JMJD8: variants seen among roughly 807,000 people sequenced by gnomAD.
The protein encoded by JMJD8 is jumonji domain containing 8, also known as jmjC domain-containing protein 8.
JMJD8 carries 56 observed loss-of-function variants against 37.6 expected under a neutral mutation model. The ratio of observed to expected loss-of-function variants is 1.49; its 90% CI spans 1.20 to 1.86. The LOEUF (loss-of-function observed/expected upper bound fraction) is 1.86, where lower values mean the gene tolerates loss of function less well. Ranked by LOEUF, JMJD8 falls within the 40% of genes most tolerant of loss-of-function variation. The pLI is 0.00. For synonymous variants in JMJD8, 261 were observed against 163.7 expected (o/e 1.59, Z -4.54); for missense variants, 542 against 362.7 (o/e 1.49, Z -4.01).
chr16:682,031 G>A lies in JMJD8; in HGVS notation c.*763C>T. The A allele has an allele frequency of 6.3e-7, 1 of 1,595,678 alleles. No homozygotes were observed. Among genetic ancestry groups the A allele is most frequent in the Non-Finnish European group, 8.6e-7 (1 of 1,166,326 alleles). ...TCAACTCTTCACAGGACAAGTACATGGCGGACATGGACGAGCTTTTTTCTC... is the reference window on the plus strand; with the variant it reads ...TCAACTCTTCACAGGACAAGTACATAGCGGACATGGACGAGCTTTTTTCTC... On this transcript the variant is annotated 3_prime_UTR_variant, in exon 9 of 9. Coordinates refer to ENST00000609261, the MANE Select transcript of JMJD8 (RefSeq NM_001005920.4).
chr16:684,000 C>T, intron 2 of JMJD8, 66 bp downstream of exon 2: 5 of 1,559,014 alleles, frequency 3.2e-6, no homozygotes, highest in Non-Finnish European at 3.4e-6. Context: ...GGAAGGCGGC[C>T]TTGGGCGGTC....
Position 683,071 on chromosome 16 carries a change from G to A in JMJD8, c.596C>T (p.Pro199Leu). The stretch of plus-strand genomic sequence containing the variant: ...GTGGAACTCTGGCGTCTTCTCAGGT[G>A]GGTAAAGGAACCAGCGCTGGGGGCA... ...IYGRKRWFLYPPEKTPEFHPN... is the reference protein window; with the variant it reads ...IYGRKRWFLYLPEKTPEFHPN... The change falls in exon 8 of 9, where the codon CCA becomes CTA. Residue 199 changes from proline to leucine, a missense_variant. By Grantham distance (98) the Pro-to-Leu change is moderately conservative. Coordinates refer to ENST00000609261, the MANE Select transcript of JMJD8 (RefSeq NM_001005920.4). 1.9e-6 allele frequency: 3 copies of A among 1,613,592 alleles called. No homozygotes were observed. Among genetic ancestry groups the A allele is most frequent in the Non-Finnish European group, 1.7e-6 (2 of 1,179,868 alleles).
In JMJD8 at chr16:683,902, A is replaced by C. The variant is rs1448989028; in HGVS notation, c.184T>G (p.Phe62Val). 6.3e-7 allele frequency: 1 copy of C among 1,580,240 alleles called. No homozygotes were observed. The highest frequency in any genetic ancestry group is 8.6e-7 in the Non-Finnish European group (1 of 1,166,052). The change falls in exon 3 of 9, where the codon TTC (phenylalanine) becomes GTC (valine). Residue 62 changes from phenylalanine to valine, a missense_variant. By Grantham distance (50) the Phe-to-Val change is conservative. Coordinates refer to ENST00000609261, the MANE Select transcript of JMJD8 (RefSeq NM_001005920.4). ...TYAEFVQQYA[F>V]VRPVILQGLT... ...CCCTGCAGGATGACGGGCCTGACGA[A>C]GGCGTACCTGGAAAGAAGGGCAGAG...
In JMJD8 at chr16:683,847, G is replaced by C. The variant is rs952533018; in HGVS notation, c.225+14C>G. On this transcript the variant is annotated intron_variant, in intron 3 of 8. Coordinates refer to ENST00000609261, the MANE Select transcript of JMJD8 (RefSeq NM_001005920.4). ...CGGGCGAGAGTGGCCGGGGACGGAC[G>C]GGCACGCGCTCACCGAGTTGTCCGT... 1 of 1,584,120 alleles carries C rather than the reference G, an allele frequency of 6.3e-7. No homozygotes were observed. The highest frequency in any genetic ancestry group is 1.1e-5 in the South Asian group (1 of 87,128).
At position 683,410 on chromosome 16, in the gene JMJD8, G is replaced by A. The variant is rs774250418; in HGVS notation, c.423C>T (p.Phe141=). Reference sequence around the variant, plus strand: ...GCCGAAAGAGAGAGGCCCACTCGGTGAAGTTGTTGTCCCCGAAGAAGTACA... The same window carrying A: ...GCCGAAAGAGAGAGGCCCACTCGGTAAAGTTGTTGTCCCCGAAGAAGTACA... The part of the protein sequence containing the change: ...DTLYFFGDNN[F]TEWASLFRHY... Residue 141 remains phenylalanine, a synonymous_variant, in exon 6 of 9, where the codon TTC becomes TTT. Coordinates refer to ENST00000609261, the MANE Select transcript of JMJD8 (RefSeq NM_001005920.4). 7.7e-6 allele frequency: 12 copies of A among 1,553,048 alleles called. No homozygotes were observed. Among genetic ancestry groups the A allele is most frequent in the Non-Finnish European group, 1.0e-5 (12 of 1,147,954 alleles).
chr16:682,378 T>C lies in JMJD8; in HGVS notation c.*416A>G. ...TGTCACTGCAGCGTGTGGGTCATTT[T>C]GACCCCGTGACCCGGAGCCCCCTGA... On this transcript the variant is annotated 3_prime_UTR_variant, in exon 9 of 9. Coordinates refer to ENST00000609261, the MANE Select transcript of JMJD8 (RefSeq NM_001005920.4). The C allele has an allele frequency of 6.2e-7, 1 of 1,613,258 alleles. No homozygotes were observed. The highest frequency in any genetic ancestry group is 8.5e-7 in the Non-Finnish European group (1 of 1,179,986).
chr16:682,301 G>A lies in JMJD8; in HGVS notation c.*493C>T. 1 of 1,612,566 alleles carries A rather than the reference G, an allele frequency of 6.2e-7. No individual in the cohort carries two copies. On this transcript the variant is annotated 3_prime_UTR_variant, in exon 9 of 9. Transcript: ENST00000609261. ...CTGCAGGTGAGGCCTGCGGCTGGGG[G>A]AGCAGGGCCAGTGGCATGGTCCTGG...
chr16:682,810 G>A lies in JMJD8; in HGVS notation c.779C>T (p.Ser260Phe). ...TLNLDTSVFISTFLG is the reference protein window; with the variant it reads ...TLNLDTSVFIFTFLG ...CTGTTTTGGCTAGCCGAGGAAGGTG[G>A]AGATGAAGACGCTGGTGTCAAGGTT... Residue 260 changes from serine to phenylalanine, a missense_variant, in exon 9 of 9, where the codon TCC (serine) becomes TTC (phenylalanine). Ser to Phe is a radical substitution (Grantham distance 155). Transcript: ENST00000609261. 2 of 1,613,026 alleles carry A rather than the reference G, an allele frequency of 1.2e-6. No homozygotes were observed. The highest frequency in any genetic ancestry group is 2.2e-5 in the South Asian group (2 of 91,056).
At position 682,519 on chromosome 16, in the gene JMJD8, C is replaced by T; in HGVS notation, c.*275G>A. On this transcript the variant is annotated 3_prime_UTR_variant, in exon 9 of 9. Transcript: ENST00000609261. ...CCCTGCCCTACCTGGCGTCCTGGTC[C>T]AGGGGAGCCCTGGGCAGAAGCCCCC... 1 of 1,612,178 alleles carries T rather than the reference C, an allele frequency of 6.2e-7. No homozygotes were observed. Among genetic ancestry groups the T allele is most frequent in the Non-Finnish European group, 8.5e-7 (1 of 1,179,540 alleles).
In JMJD8 at chr16:681,925, T is replaced by C. The variant is rs2039675339; in HGVS notation, c.*869A>G. On this transcript the variant is annotated 3_prime_UTR_variant, in exon 9 of 9. Coordinates refer to ENST00000609261, the MANE Select transcript of JMJD8 (RefSeq NM_001005920.4). ...ACATGTGGGTCTGTGTGTGTGCACG[T>C]GGCGTGGGAGCATCCCCGCCTTGTG... 2 of 1,612,134 alleles carry C rather than the reference T, an allele frequency of 1.2e-6. No homozygotes were observed. The highest frequency in any genetic ancestry group is 8.5e-7 in the Non-Finnish European group (1 of 1,179,026).
intron 6 of JMJD8, 37 bp downstream of exon 6, chr16:683,285 G>T: frequency 6.2e-7 from 1 of 1,611,854 alleles, no homozygotes; most frequent in East Asian, 2.2e-5. Context: ...CTCACCGACA[G>T]AAGCCTCAGT....
chr16:683,324 G>A lies in JMJD8; in HGVS notation c.509C>T (p.Ala170Val), dbSNP rs1356930296. ...TCCCAGTCCCAAGAAGCACCCACCTGCGATTCCAAAGCTGTAAGCTGGAGC... is the reference window on the plus strand; with the variant it reads ...TCCCAGTCCCAAGAAGCACCCACCTACGATTCCAAAGCTGTAAGCTGGAGC... ...GTAPAYSFGI[A>V]GAGSGVPFHW... The change falls in exon 6 of 9, where the codon GCA (alanine) becomes GTA (valine). Residue 170 changes from alanine to valine, a missense_variant and splice_region_variant. Coordinates refer to ENST00000609261, the MANE Select transcript of JMJD8 (RefSeq NM_001005920.4). 1.3e-6 allele frequency: 2 copies of A among 1,593,878 alleles called. No homozygotes were observed. The highest frequency in any genetic ancestry group is 3.6e-5 in the Admixed American group (2 of 56,056).
Position 683,001 on chromosome 16 carries a change from G to A in JMJD8, c.666C>T (p.Ala222=). ...TLAWLRDTYP[A]LPPSARPLEC... ...CCAGGGGCCGTGCAGACGGTGGCAGGGCTGGGTATGTGTCCCGGAGCCAGG... is the reference window on the plus strand; with the variant it reads ...CCAGGGGCCGTGCAGACGGTGGCAGAGCTGGGTATGTGTCCCGGAGCCAGG... The change falls in exon 8 of 9, where the codon GCC becomes GCT. Residue 222 remains alanine (A), a synonymous_variant. Coordinates refer to ENST00000609261, the MANE Select transcript of JMJD8 (RefSeq NM_001005920.4). 3 of 1,613,420 alleles carry A rather than the reference G, an allele frequency of 1.9e-6. No individual in the cohort carries two copies. The highest frequency in any genetic ancestry group is 2.5e-6 in the Non-Finnish European group (3 of 1,179,886).
rs975026168 is a variant in JMJD8 at position 682,625 on chromosome 16, C to T, written c.*169G>A. ...GCTGTTGGACTCTGGACTGTTTCCC[C>T]TCTCAGCATCGCTTTTGCTGGGCCG... On this transcript the variant is annotated 3_prime_UTR_variant, in exon 9 of 9. Transcript: ENST00000609261. 9 of 1,441,386 alleles carry T rather than the reference C, an allele frequency of 6.2e-6. No homozygotes were observed. The highest frequency in any genetic ancestry group is 1.4e-5 in the African/African-American group (1 of 71,862). 89.3% of individuals were successfully genotyped at this position (1,441,386 alleles called of 1,614,324 possible).
Position 684,304 on chromosome 16 carries a change from G to T in JMJD8, c.16C>A (p.Arg6=). The T allele has an allele frequency of 2.7e-6, 4 of 1,483,542 alleles. No individual in the cohort carries two copies. The highest frequency in any genetic ancestry group is 3.6e-6 in the Non-Finnish European group (4 of 1,124,880). 91.9% of individuals were successfully genotyped at this position (1,483,542 alleles called of 1,614,324 possible). A position where few individuals can be genotyped will look rare whatever the true frequency, so the allele number is the denominator to read the frequency against. MAPAS[R]LLALWALAAV... is the part of the protein sequence containing the mutation. ...GCCAGCGCCCAGAGCGCGAGCAACC[G>T]CGACGCCGGCGCCATGAGCCTGCCG... Residue 6 remains arginine, a synonymous_variant, in exon 1 of 9, where the codon CGG becomes AGG. Transcript: ENST00000609261.
chr16:683,579 C>G lies in JMJD8; in HGVS notation c.342G>C (p.Glu114Asp). ...SYHKVDLPFQEYVEQLLHPQD... is the reference protein window; with the variant it reads ...SYHKVDLPFQDYVEQLLHPQD... ...GGGGGTGCAGCAGCTGCTCCACATA[C>G]TCCTGGAAGGGCAAGTCCACTGCAG... Residue 114 changes from glutamate to aspartate, a missense_variant, in exon 5 of 9, where the codon GAG (glutamate) becomes GAC (aspartate). Physicochemically the swap from Glu to Asp is conservative, Grantham distance 45. Transcript: ENST00000609261. The G allele has an allele frequency of 6.3e-7, 1 of 1,577,022 alleles. No homozygotes were observed. Among genetic ancestry groups the G allele is most frequent in the African/African-American group, 1.3e-5 (1 of 74,258 alleles).
Position 683,084 on chromosome 16 carries a change from A to ACTC in JMJD8, c.582_583insGAG (p.Arg194_Trp195insGlu). ...GTCTTCTCAGGTGGGTAAAGGAACC[A>ACTC]GCGCTGGGGGCATGAGCAGCAGTGT... On this transcript the variant is annotated inframe_insertion, in exon 8 of 9. Transcript: ENST00000609261. 6.2e-7 allele frequency: 1 copy of ACTC among 1,613,560 alleles called. No individual in the cohort carries two copies. Among genetic ancestry groups the ACTC allele is most frequent in the Non-Finnish European group, 8.5e-7 (1 of 1,179,868 alleles).
rs559654735 is a variant in JMJD8, at chr16:684,001, T to C, written c.176+65A>G. The C allele has an allele frequency of 2.8e-5, 43 of 1,559,296 alleles. No individual in the cohort carries two copies. The African/African-American group carries it at 5.1e-4, about 19-fold the overall frequency. On this transcript the variant is annotated intron_variant, in intron 2 of 8. Coordinates refer to ENST00000609261, the MANE Select transcript of JMJD8 (RefSeq NM_001005920.4). ...CGCGCGAGGTCAGGGGAAGGCGGCC[T>C]TGGGCGGTCGGGGCAGACGGGCCGG...
rs1036885795 is a variant in JMJD8 at position 683,225 on chromosome 16, G to A, written c.521C>T (p.Ser174Leu). The change falls in exon 7 of 9, where the codon TCG (serine) becomes TTG (leucine). Residue 174 changes from serine to leucine, a missense_variant. Ser to Leu is a moderately radical substitution (Grantham distance 145). Coordinates refer to ENST00000609261, the MANE Select transcript of JMJD8 (RefSeq NM_001005920.4). ...TCCATGCCAGTGGAAGGGCACCCCC[G>A]AGCCAGCTCCTGTGGGGTTATGAGC... ...AYSFGIAGAG[S>L]GVPFHWHGPG... The A allele has an allele frequency of 1.9e-6, 3 of 1,613,106 alleles. No homozygotes were observed. The highest frequency in any genetic ancestry group is 1.1e-5 in the South Asian group (1 of 91,076).
Sources: gnomAD v4.1 joint callset for allele counts on GRCh38, gnomAD v4.1.1 for gene constraint, MANE v1.5 for transcripts, NCBI Gene and HGNC (gene_info 2026-07-23, HGNC 2026-07-21) for gene names.